MROH9: variants seen among roughly 807,000 people sequenced by gnomAD.
The protein encoded by MROH9 is maestro heat like repeat family member 9.
In MROH9, 92 loss-of-function variants were observed where a neutral mutation model predicts 98.2. The observed-to-expected ratio is 0.94, with a 90% CI of 0.79 to 1.11. The LOEUF (loss-of-function observed/expected upper bound fraction) is 1.11, where lower values mean the gene tolerates loss of function less well. Among genes scored for constraint, MROH9 ranks in the 50% most tolerant of loss-of-function variants. The probability of loss-of-function intolerance (pLI) is 0.00; values close to 1 mark genes in which losing one functional copy is unlikely to be tolerated. For synonymous variants in MROH9, 397 were observed against 368.9 expected (o/e 1.08, Z -0.87); for missense variants, 1,057 against 1,014.8 (o/e 1.04, Z -0.57).
At position 171,062,145 on chromosome 1, in the gene MROH9, A is replaced by G. The variant is rs964187451; in HGVS notation, c.2295A>G (p.Lys765=). The G allele has an allele frequency of 6.5e-7, 1 of 1,549,094 alleles. No individual in the cohort carries two copies. The highest frequency in any genetic ancestry group is 1.4e-5 in the African/African-American group (1 of 72,994). The change falls in exon 21 of 22, where the codon AAA becomes AAG. Residue 765 remains lysine (K), a synonymous_variant. Coordinates refer to ENST00000367759, the MANE Select transcript of MROH9 (RefSeq NM_001163629.2). ...TTATGTGCATAGGATATTTGGCAAA[A>G]TCAGGTGGTCATTTACTGCTTAGAG... ...ASVILIGYLA[K]SGGHLLLRDE...
intron 20 of MROH9, among the ~76,000 whole-genome samples, chr1:171,051,128 A>G (rs112121648): frequency 0.12 from 18,339 of 152,200 alleles, 1,212 homozygotes; most frequent in Middle Eastern, 0.22. Context: ...AAATGCTTTT[A>G]CACTGTTGGT....
rs1372209003 is a variant in MROH9, at chr1:171,064,124, A to G, written c.2370A>G (p.Glu790=). 2 of 1,543,448 alleles carry G rather than the reference A, an allele frequency of 1.3e-6. No homozygotes were observed. Among genetic ancestry groups the G allele is most frequent in the East Asian group, 2.4e-5 (1 of 40,888 alleles). ...TTATTGAACGACTGCTCCGAGATGA[A>G]GACCCTATGATCAAACAGTTGGCTG... ...LDVIERLLRD[E]DPMIKQLAEI... is the part of the protein sequence containing the mutation. The change falls in exon 22 of 22, where the codon GAA becomes GAG. Residue 790 remains glutamate, a synonymous_variant. Transcript: ENST00000367759.
intron 15 of MROH9, among the ~76,000 whole-genome samples, chr1:171,011,733 A>G (rs1206936422): frequency 6.6e-6 from 1 of 152,144 alleles, no homozygotes; most frequent in Non-Finnish European, 1.5e-5. Context: ...AACTACTAAC[A>G]CAGATATTCT....
chr1:171,018,011 C>T (rs1652386252), intron 17 of MROH9, among the ~76,000 whole-genome samples: 1 of 152,128 alleles, frequency 6.6e-6, no homozygotes, highest in African/African-American at 2.4e-5. Context: ...TGGGCTTTCC[C>T]CCCAGCAAAG....
chr1:170,983,686 G>A, intron 9 of MROH9, 152 bp downstream of exon 9: 2 of 571,712 alleles, frequency 3.5e-6, no homozygotes, highest in Non-Finnish European at 6.2e-6. Flanking sequence ...AGACCATTTA[G>A]TTTTCTGATT....
chr1:171,062,155 C>A lies in MROH9; in HGVS notation c.2305C>A (p.His769Asn), dbSNP rs768228043. 16 of 1,549,746 alleles carry A rather than the reference C, an allele frequency of 1.0e-5. No homozygotes were observed. In the South Asian group the frequency reaches 1.9e-4, roughly 18 times the overall value. Reference protein sequence around the residue: ...LIGYLAKSGGHLLLRDEIEVM... With the variant: ...LIGYLAKSGGNLLLRDEIEVM... ...AGGATATTTGGCAAAATCAGGTGGT[C>A]ATTTACTGCTTAGAGATGAAATCGA... Residue 769 changes from histidine to asparagine, a missense_variant, in exon 21 of 22, where the codon CAT (histidine) becomes AAT (asparagine). His to Asn is a moderately conservative substitution (Grantham distance 68, BLOSUM62 1). Coordinates refer to ENST00000367759, the MANE Select transcript of MROH9 (RefSeq NM_001163629.2).
At chr1:171,016,357 T>C (rs1164342620) in intron 17 of MROH9, 21 bp downstream of exon 17, 2 of 1,434,176 alleles carry the variant, frequency 1.4e-6, no homozygotes, top group East Asian at 5.5e-5. Flanking sequence ...CAGTTAGATA[T>C]GTGAGATCAT....
At chr1:171,006,208 G>C (rs903893446) in intron 15 of MROH9, among the ~76,000 whole-genome samples, 1 of 149,082 alleles carries the variant, frequency 6.7e-6, no homozygotes, top group Non-Finnish European at 1.5e-5. Flanking sequence ...AGTATTCTTG[G>C]TTGTCAGGTT....
At chr1:171,054,668 C>T (rs1653773339) in intron 20 of MROH9, among the ~76,000 whole-genome samples, 2 of 152,064 alleles carry the variant, frequency 1.3e-5, no homozygotes, top group Non-Finnish European at 2.9e-5. Flanking sequence ...AAGAAAGAAA[C>T]AATCCTATCA....
intron 8 of MROH9, among the ~76,000 whole-genome samples, chr1:170,972,822 A>AT (rs1215677350): frequency 3.8e-5 from 3 of 78,208 alleles, no homozygotes; most frequent in East Asian, 7.6e-4. Context: ...AAAAAAAAAA[A>AT]AAAAAATACA....
At position 171,016,157 on chromosome 1, in the gene MROH9, A is replaced by C. The variant is rs1310670874; in HGVS notation, c.1735-6A>C. Reference sequence around the variant, plus strand: ...AAATCCCACCATTTTTTCCTTTTATATGTAGACAGAAAATGTCAGCAGTAT... The same window carrying C: ...AAATCCCACCATTTTTTCCTTTTATCTGTAGACAGAAAATGTCAGCAGTAT... On this transcript the variant is annotated splice_polypyrimidine_tract_variant and splice_region_variant and intron_variant, in intron 16 of 21. Transcript: ENST00000367759. 1.4e-6 allele frequency: 2 copies of C among 1,448,906 alleles called. No individual in the cohort carries two copies. Among genetic ancestry groups the C allele is most frequent in the Admixed American group, 2.7e-5 (1 of 36,562 alleles). The allele number at this position is 1,448,906 out of a possible 1,614,324, so 89.8% of individuals were successfully genotyped here. A position where few individuals can be genotyped will look rare whatever the true frequency, so the allele number is the denominator to read the frequency against.
In MROH9 at chr1:171,047,556, C is replaced by T. The variant is rs560172115; in HGVS notation, c.2282-14576C>T. 1.2e-4 allele frequency among the ~76,000 whole-genome samples: 19 copies of T among 152,058 alleles called. No individual in the cohort carries two copies. The South Asian group carries it at 3.7e-3, about 30-fold the overall frequency. On this transcript the variant is annotated intron_variant, in intron 20 of 21. Transcript: ENST00000367759. ...ATTTATCTGACAGAATTCTGAATCC[C>T]TTCTTGGTGTTATATTGAATTTCTT...
At chr1:170,952,720 G>A (rs1157979082) in intron 3 of MROH9, among the ~76,000 whole-genome samples, 1 of 151,594 alleles carries the variant, frequency 6.6e-6, no homozygotes, top group Non-Finnish European at 1.5e-5. Flanking sequence ...TGCACGTTGT[G>A]CACATGTACC....
chr1:170,969,918 G>T (rs143558027), intron 7 of MROH9, among the ~76,000 whole-genome samples: 282 of 152,198 alleles, frequency 1.9e-3, no homozygotes, highest in African/African-American at 6.5e-3. Context: ...CTTCTGAAGG[G>T]GCTTGGCAGG....
intron 3 of MROH9, among the ~76,000 whole-genome samples, chr1:170,951,907 A>G (rs1470498529): frequency 6.6e-6 from 1 of 152,162 alleles, no homozygotes; most frequent in Non-Finnish European, 1.5e-5. Context: ...GGGTTACAGC[A>G]GCCATGGGAC....
intron 1 of MROH9, among the ~76,000 whole-genome samples, chr1:170,943,813 A>C (rs1409455710): frequency 6.6e-6 from 1 of 152,060 alleles, no homozygotes; most frequent in African/African-American, 2.4e-5. Flanking sequence ...AAATCAAGGA[A>C]TGTGATTCTC....
chr1:171,000,915 C>T (rs540107854), intron 15 of MROH9, among the ~76,000 whole-genome samples: 1 of 151,954 alleles, frequency 6.6e-6, no homozygotes, highest in Non-Finnish European at 1.5e-5. Context: ...TTCAATCTCT[C>T]TGCTTGTTAT....
chr1:170,944,926 C>T (rs571502842), intron 1 of MROH9, among the ~76,000 whole-genome samples: 8 of 151,944 alleles, frequency 5.3e-5, no homozygotes, highest in East Asian at 1.9e-4. Context: ...TGTTATATAA[C>T]GTGAAAGAAG....
intron 20 of MROH9, among the ~76,000 whole-genome samples, chr1:171,056,423 T>C (rs964362442): frequency 2.6e-5 from 4 of 152,156 alleles, no homozygotes; most frequent in African/African-American, 9.7e-5. Flanking sequence ...CCTTCCTCAC[T>C]GGGTGGGGCT....
Sources: allele counts gnomAD v4.1 joint callset (sites outside exome capture counted in the v4.1 genomes callset), GRCh38; gene constraint gnomAD v4.1.1; transcripts MANE v1.5; gene names NCBI Gene and HGNC (gene_info 2026-07-23, HGNC 2026-07-21).